The following B4GALT6 variants were observed in gnomAD, a reference collection of about 807,000 sequenced individuals.
B4GALT6 encodes the protein beta-1,4-galactosyltransferase 6.
B4GALT6 carries 14 observed loss-of-function variants against 46.3 expected under a neutral mutation model. That is an observed-to-expected ratio of 0.30 (90% confidence interval 0.20 to 0.47). B4GALT6 has a LOEUF of 0.47. Among genes scored for constraint, B4GALT6 ranks in the 20% least tolerant of loss-of-function variants. The probability of loss-of-function intolerance (pLI) is 0.99; values close to 1 mark genes in which losing one functional copy is unlikely to be tolerated. For synonymous variants in B4GALT6, 168 were observed against 162.0 expected (o/e 1.04, Z -0.28); for missense variants, 386 against 480.1 (o/e 0.80, Z 1.83).
At chr18:31,639,799 A>C (rs928275152) in intron 4 of B4GALT6, among the ~76,000 whole-genome samples, 1 of 152,188 alleles carries the variant, frequency 6.6e-6, no homozygotes, top group South Asian at 2.1e-4. Flanking sequence ...CAAACCCAAC[A>C]CTTAAAAACA....
intron 3 of B4GALT6, among the ~76,000 whole-genome samples, chr18:31,654,402 G>A (rs1171446420): frequency 2.0e-5 from 3 of 152,104 alleles, no homozygotes; most frequent in Non-Finnish European, 4.4e-5. Flanking sequence ...AGCTGAATGT[G>A]GATTTGCCCT....
At chr18:31,639,222 T>A (rs548011590) in intron 4 of B4GALT6, among the ~76,000 whole-genome samples, 1 of 152,180 alleles carries the variant, frequency 6.6e-6, no homozygotes, top group South Asian at 2.1e-4. Context: ...ATCTAAGAGG[T>A]AAGCTAGCAG....
intron 4 of B4GALT6, among the ~76,000 whole-genome samples, chr18:31,640,360 C>G (rs2073914285): frequency 6.6e-6 from 1 of 151,990 alleles, no homozygotes; most frequent in African/African-American, 2.4e-5. Context: ...AATATTTAAC[C>G]ATGTATTTTA....
At chr18:31,715,537 CTTTTTTTTTTTTTT>C in the B4GALT6 span, among the ~76,000 whole-genome samples, 11 of 49,628 alleles carry the variant, frequency 2.2e-4, no homozygotes, top group Admixed American at 2.3e-3. Context: ...CTGGAACTGT[CTTTTTTTTTTTTTT>C]TTTTTTTTTT....
At chr18:31,684,659 A>G (rs1598940933), upstream of B4GALT6, 7 of 488,720 alleles carry the variant, frequency 1.4e-5, no homozygotes, top group East Asian at 3.1e-4. Flanking sequence ...GAGGGACAAG[A>G]GGTGGAGGGG....
chr18:31,624,702 T>C lies in B4GALT6; in HGVS notation c.*912A>G, dbSNP rs1230633993. ...TCTGAACTGGAAATAATAAAAGTGCTGTTCACCGTGAATTTAAAAAAAATA... is the reference window on the plus strand; with the variant it reads ...TCTGAACTGGAAATAATAAAAGTGCCGTTCACCGTGAATTTAAAAAAAATA... On this transcript the variant is annotated 3_prime_UTR_variant, in exon 9 of 9. Transcript: ENST00000306851. The C allele has an allele frequency of 6.6e-6, 1 of 152,124 alleles. No homozygotes were observed. The highest frequency in any genetic ancestry group is 2.4e-5 in the African/African-American group (1 of 41,424). The allele number at this position is 152,124 out of a possible 1,614,324, so 9.4% of individuals were successfully genotyped here. A position where few individuals can be genotyped will look rare whatever the true frequency, so the allele number is the denominator to read the frequency against.
At chr18:31,700,974 A>T in the B4GALT6 span, among the ~76,000 whole-genome samples, 3 of 152,234 alleles carry the variant, frequency 2.0e-5, no homozygotes, top group Non-Finnish European at 4.4e-5. Flanking sequence ...ATATCATGGC[A>T]TAGCAAAGCC....
At chr18:31,641,972 G>A (rs889441049) in intron 4 of B4GALT6, among the ~76,000 whole-genome samples, 39 of 152,166 alleles carry the variant, frequency 2.6e-4, no homozygotes, top group African/African-American at 9.2e-4. Flanking sequence ...TAACCTTAAG[G>A]TGAATCTAGT....
intron 1 of B4GALT6, among the ~76,000 whole-genome samples, chr18:31,667,199 T>C (rs979871018): frequency 3.9e-5 from 6 of 152,212 alleles, no homozygotes; most frequent in South Asian, 2.1e-4. Context: ...CATAACTTTG[T>C]ACAGCTCCTT....
chr18:31,652,659 G>A (rs915541318), intron 3 of B4GALT6, among the ~76,000 whole-genome samples: 6 of 152,112 alleles, frequency 3.9e-5, no homozygotes, highest in Admixed American at 6.5e-5. Flanking sequence ...CTCCAAATGC[G>A]ACGGTTACTC....
At position 31,679,688 on chromosome 18, in the gene B4GALT6, C is replaced by T. The variant is rs139950636; in HGVS notation, c.115+4624G>A. Among the ~76,000 whole-genome samples, 259 of 152,304 alleles carry T rather than the reference C, an allele frequency of 1.7e-3. 1 individual carries two copies. In the East Asian group the frequency reaches 0.02, roughly 12 times the overall value. On this transcript the variant is annotated intron_variant, in intron 1 of 8. Transcript: ENST00000306851. ...AATCAAATCTCTCTCCTGGGCAGCA[C>T]GCCCTTACTTTCATCTGCCTACCTA...
chr18:31,650,388 T>C (rs1316040970), intron 3 of B4GALT6, among the ~76,000 whole-genome samples: 1 of 152,186 alleles, frequency 6.6e-6, no homozygotes, highest in Non-Finnish European at 1.5e-5. Flanking sequence ...AGGAAAAAGC[T>C]AGAACCCACT....
chr18:31,634,053 GATA>G (rs202140428), intron 5 of B4GALT6, among the ~76,000 whole-genome samples: 1,709 of 152,272 alleles, frequency 0.011, 17 homozygotes, highest in Middle Eastern at 0.024. Context: ...TTTTCCTGGA[GATA>G]ATTCATTTCT....
chr18:31,709,969 C>T, the B4GALT6 span, among the ~76,000 whole-genome samples: 2 of 151,850 alleles, frequency 1.3e-5, no homozygotes, highest in Non-Finnish European at 2.9e-5. Flanking sequence ...GTGGTGCACG[C>T]CTGTAATCCC....
chr18:31,658,010 T>G lies in B4GALT6; in HGVS notation c.312A>C (p.Pro104=). The change falls in exon 3 of 9, where the codon CCA becomes CCC. Residue 104 remains proline (P), a synonymous_variant. Transcript: ENST00000306851. The part of the protein sequence containing the change: ...TYLPENFTYS[P]YLPCPEKLPY... The stretch of plus-strand genomic sequence containing the variant: ...GCAGCTTTTCTGGACAGGGGAGGTA[T>G]GGTGAGTATGTGAAGTTTTCCGGGA... 6.2e-7 allele frequency: 1 copy of G among 1,613,558 alleles called. No homozygotes were observed. The highest frequency in any genetic ancestry group is 8.5e-7 in the Non-Finnish European group (1 of 1,179,920).
chr18:31,712,216 TTTC>T, the B4GALT6 span, among the ~76,000 whole-genome samples: 1 of 152,032 alleles, frequency 6.6e-6, no homozygotes, highest in African/African-American at 2.4e-5. Context: ...ATGGAGTCTT[TTTC>T]TTTTTTGCAT....
chr18:31,724,203 C>G, the B4GALT6 span: 1 of 271,106 alleles, frequency 3.7e-6, no homozygotes, highest in Non-Finnish European at 7.4e-6. Flanking sequence ...TTGCCAGGGG[C>G]GCCAGCGTCT....
At chr18:31,646,922 A>G (rs920096807) in intron 3 of B4GALT6, among the ~76,000 whole-genome samples, 3 of 152,260 alleles carry the variant, frequency 2.0e-5, no homozygotes, top group African/African-American at 7.2e-5. Flanking sequence ...AGTCTTTTAT[A>G]ACCAAACACT....
chr18:31,689,255 C>T (rs977737362), upstream of B4GALT6, among the ~76,000 whole-genome samples: 7 of 152,108 alleles, frequency 4.6e-5, no homozygotes, highest in Non-Finnish European at 8.8e-5. Context: ...GACTCAAGGC[C>T]AGCAAATCCT....
Sources: allele counts gnomAD v4.1 joint callset (sites outside exome capture counted in the v4.1 genomes callset), GRCh38; gene constraint gnomAD v4.1.1; transcripts MANE v1.5; gene names NCBI Gene and HGNC (gene_info 2026-07-23, HGNC 2026-07-21).